The following MGAT4C variants were observed in gnomAD, a reference collection of about 807,000 sequenced individuals.
MGAT4C encodes alpha-1,3-mannosyl-glycoprotein 4-beta-N-acetylglucosaminyltransferase C.
Under a neutral mutation model 40.1 loss-of-function variants are expected in MGAT4C, and 19 were observed. That is an observed-to-expected ratio of 0.47 (90% CI 0.33 to 0.70). The LOEUF is 0.70. Ranked by LOEUF, MGAT4C falls within the 30% of genes least tolerant of loss-of-function variation. MGAT4C has a pLI of 0.02. For missense variants in MGAT4C, 491 were observed against 563.2 expected (o/e 0.87, Z 1.30); for synonymous variants, 181 against 187.1 (o/e 0.97, Z 0.27).
intron 1 of MGAT4C, among the ~76,000 whole-genome samples, chr12:86,172,812 T>C (rs985879598): frequency 1.6e-4 from 24 of 152,128 alleles, no homozygotes; most frequent in Non-Finnish European, 5.9e-5. Context: ...CTTCTAATGT[T>C]GCTGACAGAG....
At chr12:86,020,120 A>C (rs895171439) in intron 2 of MGAT4C, among the ~76,000 whole-genome samples, 2 of 152,146 alleles carry the variant, frequency 1.3e-5, no homozygotes, top group East Asian at 3.9e-4. Flanking sequence ...CTAGATATAC[A>C]ATCATGTCAT....
chr12:86,112,141 A>ATCT (rs1877540179), intron 1 of MGAT4C, among the ~76,000 whole-genome samples: 1 of 151,746 alleles, frequency 6.6e-6, no homozygotes, highest in Admixed American at 6.6e-5. Flanking sequence ...TACTTGAAAA[A>ATCT]TCTTATAATC....
chr12:86,588,891 A>G (rs1473892078), intron 2 of MGAT4C, among the ~76,000 whole-genome samples: 1 of 152,028 alleles, frequency 6.6e-6, no homozygotes, highest in East Asian at 1.9e-4. Flanking sequence ...TCTCTGGGAC[A>G]CATTCAAAGC....
chr12:86,586,637 G>C (rs1440295995), intron 2 of MGAT4C, among the ~76,000 whole-genome samples: 1 of 135,362 alleles, frequency 7.4e-6, no homozygotes, highest in Non-Finnish European at 1.6e-5. Flanking sequence ...TTTAATGATT[G>C]CCATTCTAAC....
chr12:86,579,181 G>C (rs1593005856), intron 2 of MGAT4C, among the ~76,000 whole-genome samples: 1 of 151,582 alleles, frequency 6.6e-6, no homozygotes. Flanking sequence ...AGGGACTCTG[G>C]TCATTTTGTT....
intron 1 of MGAT4C, among the ~76,000 whole-genome samples, chr12:86,781,537 A>G (rs1037668571): frequency 5.9e-5 from 9 of 152,170 alleles, no homozygotes; most frequent in Non-Finnish European, 7.4e-5. Flanking sequence ...TAAGAAATGA[A>G]GCTAATTTGA....
intron 2 of MGAT4C, among the ~76,000 whole-genome samples, chr12:86,555,247 AT>A (rs1316339668): frequency 6.6e-6 from 1 of 152,052 alleles, no homozygotes; most frequent in Non-Finnish European, 1.5e-5. Context: ...TTAGTGTACC[AT>A]TTTTCTGTAT....
intron 4 of MGAT4C, among the ~76,000 whole-genome samples, chr12:86,266,223 A>C (rs1952784064): frequency 1.3e-5 from 2 of 152,164 alleles, no homozygotes; most frequent in Admixed American, 1.3e-4. Context: ...TCCAGTTCTT[A>C]GGGGAAGTGC....
intron 2 of MGAT4C, among the ~76,000 whole-genome samples, chr12:86,565,508 T>G (rs930010564): frequency 2.0e-5 from 3 of 152,116 alleles, no homozygotes; most frequent in Non-Finnish European, 4.4e-5. Flanking sequence ...GTCTTTCCAG[T>G]GGGGAGAACT....
chr12:86,093,341 T>C (rs1873228340), intron 1 of MGAT4C, among the ~76,000 whole-genome samples: 1 of 152,152 alleles, frequency 6.6e-6, no homozygotes, highest in South Asian at 2.1e-4. Context: ...ATAAGCAACT[T>C]TCTCTCTTAA....
intron 2 of MGAT4C, among the ~76,000 whole-genome samples, chr12:86,047,070 G>A (rs1892467102): frequency 6.6e-6 from 1 of 152,074 alleles, no homozygotes; most frequent in African/African-American, 2.4e-5. Context: ...ATTAATAGAT[G>A]AAAATCGCCA....
chr12:86,120,536 C>T (rs530478294), intron 1 of MGAT4C, among the ~76,000 whole-genome samples: 3 of 152,262 alleles, frequency 2.0e-5, no homozygotes, highest in Admixed American at 1.3e-4. Context: ...CCCTCTGAGA[C>T]GAAGCTTCCA....
In MGAT4C at chr12:86,490,727, A is replaced by C. The variant is rs547300580; in HGVS notation, c.-228-55462T>G. Among the ~76,000 whole-genome samples, 493 of 152,258 alleles carry C rather than the reference A, an allele frequency of 3.2e-3. 2 individuals are homozygous for C. Among genetic ancestry groups the C allele is most frequent in the African/African-American group, 0.011 (475 of 41,548 alleles). Reference sequence around the variant, plus strand: ...AAAGGATGGAGGAAGATCTACCAAGAAAATGGAAAACAAAAAAAAGGCAGG... The same window carrying C: ...AAAGGATGGAGGAAGATCTACCAAGCAAATGGAAAACAAAAAAAAGGCAGG... On this transcript the variant is annotated intron_variant, in intron 2 of 7. Transcript: ENST00000548651.
At chr12:86,296,734 G>A (rs1043317216) in intron 4 of MGAT4C, among the ~76,000 whole-genome samples, 4 of 152,316 alleles carry the variant, frequency 2.6e-5, no homozygotes, top group Non-Finnish European at 5.9e-5. Context: ...CAGCTGGCCC[G>A]CAAGCGCTGC....
intron 2 of MGAT4C, among the ~76,000 whole-genome samples, chr12:86,025,351 C>T (rs184360390): frequency 2.1e-3 from 313 of 151,434 alleles, no homozygotes; most frequent in Non-Finnish European, 2.9e-3. Flanking sequence ...CTTGTGTAAT[C>T]GAAACATCAT....
At chr12:86,814,904 A>T (rs1356773443) in intron 1 of MGAT4C, among the ~76,000 whole-genome samples, 1 of 152,098 alleles carries the variant, frequency 6.6e-6, no homozygotes, top group Non-Finnish European at 1.5e-5. Flanking sequence ...CTCGCAGAAC[A>T]GTGAGAAATA....
intron 2 of MGAT4C, among the ~76,000 whole-genome samples, chr12:86,010,984 C>T (rs1387253838): frequency 6.6e-6 from 1 of 152,116 alleles, no homozygotes; most frequent in Non-Finnish European, 1.5e-5. Context: ...CCAGAAGCCA[C>T]CCAGATGCTG....
At chr12:86,488,538 A>G (rs917007878) in intron 2 of MGAT4C, among the ~76,000 whole-genome samples, 1 of 152,124 alleles carries the variant, frequency 6.6e-6, no homozygotes, top group Non-Finnish European at 1.5e-5. Flanking sequence ...CTATCCAGTG[A>G]GTAAGCAAAT....
chr12:86,311,994 A>G (rs1293943430), intron 4 of MGAT4C, among the ~76,000 whole-genome samples: 1 of 152,196 alleles, frequency 6.6e-6, no homozygotes, highest in East Asian at 1.9e-4. Flanking sequence ...AGGGGTCACA[A>G]TATTAAATAG....
Sources: allele counts gnomAD v4.1 joint callset (sites outside exome capture counted in the v4.1 genomes callset), GRCh38; gene constraint gnomAD v4.1.1; transcripts MANE v1.5; gene names NCBI Gene and HGNC (gene_info 2026-07-23, HGNC 2026-07-21).